The following ANK2 variants were observed in gnomAD, a reference collection of about 807,000 sequenced individuals.
ANK2 encodes the protein ankyrin-2.
A neutral mutation model predicts 360.5 loss-of-function variants in ANK2; 83 were observed. The ratio of observed to expected loss-of-function variants is 0.23; its 90% CI spans 0.19 to 0.28. ANK2 has a LOEUF of 0.28. Ranked by LOEUF, ANK2 falls within the 10% of genes least tolerant of loss-of-function variation. The probability of loss-of-function intolerance (pLI) is 1.00; values close to 1 mark genes in which losing one functional copy is unlikely to be tolerated. For synonymous variants in ANK2, 1,740 were observed against 1,759.5 expected, an observed-to-expected ratio of 0.99 and a Z score of 0.28; for missense variants, 4,201 against 4,795.7, an observed-to-expected ratio of 0.88 and a Z score of 3.66.
chr4:113,286,208 T>C (rs1219261957), intron 18 of ANK2, among the ~76,000 whole-genome samples: 2 of 152,248 alleles, frequency 1.3e-5, no homozygotes, highest in Non-Finnish European at 2.9e-5. Flanking sequence ...GTTATTTTAG[T>C]AAGGAGAAAA....
intron 1 of ANK2, among the ~76,000 whole-genome samples, chr4:113,164,518 G>A (rs2097683451): frequency 6.6e-6 from 1 of 152,170 alleles, no homozygotes; most frequent in Non-Finnish European, 1.5e-5. Flanking sequence ...CACCTCATCT[G>A]TGTTGTGTCA....
At chr4:112,757,338 T>C in the ANK2 span, among the ~76,000 whole-genome samples, 1 of 152,120 alleles carries the variant, frequency 6.6e-6, no homozygotes, top group South Asian at 2.1e-4. Flanking sequence ...CAGGCTGGTC[T>C]CGAACTCCTG....
At chr4:112,738,570 G>C in the ANK2 span, 6 of 432,612 alleles carry the variant, frequency 1.4e-5, no homozygotes, top group Admixed American at 3.0e-5. Flanking sequence ...CCTTAACCTA[G>C]TCTGCAGGTT....
chr4:113,305,499 T>G (rs2153804891), intron 23 of ANK2, among the ~76,000 whole-genome samples: 1 of 152,320 alleles, frequency 6.6e-6, no homozygotes, highest in South Asian at 2.1e-4. Flanking sequence ...ATGACCAAGA[T>G]TATCTTTTGT....
the ANK2 span, among the ~76,000 whole-genome samples, chr4:112,780,823 C>T: frequency 1.3e-5 from 2 of 152,064 alleles, no homozygotes; most frequent in South Asian, 4.1e-4. Context: ...CCCCATGATC[C>T]AATCATCTCC....
At chr4:113,059,261 T>C (rs1360933446) in intron 1 of ANK2, among the ~76,000 whole-genome samples, 1 of 152,166 alleles carries the variant, frequency 6.6e-6, no homozygotes, top group Non-Finnish European at 1.5e-5. Flanking sequence ...TTAGATTGTG[T>C]ATAGCCTGGC....
At chr4:113,345,223 A>G (rs1477124617) in intron 34 of ANK2, among the ~76,000 whole-genome samples, 1 of 152,202 alleles carries the variant, frequency 6.6e-6, no homozygotes, top group Non-Finnish European at 1.5e-5. Flanking sequence ...CCATTTCTAC[A>G]TGTTCCTAGA....
chr4:112,725,009 G>C, the ANK2 span, among the ~76,000 whole-genome samples: 1 of 152,098 alleles, frequency 6.6e-6, no homozygotes, highest in Non-Finnish European at 1.5e-5. Flanking sequence ...GCCGGGTGCC[G>C]TGGCTCACGC....
the ANK2 span, among the ~76,000 whole-genome samples, chr4:112,718,927 GCACCCGGTCGCATGAGCCAC>G: frequency 1.4e-5 from 1 of 69,082 alleles, no homozygotes; most frequent in African/African-American, 7.3e-5. Flanking sequence ...ATGAGCCACC[GCACCCGGTCGCATGAGCCAC>G]CGCTCCCGGT....
At chr4:113,143,021 G>A (rs1052208382) in intron 1 of ANK2, among the ~76,000 whole-genome samples, 3 of 149,460 alleles carry the variant, frequency 2.0e-5, no homozygotes, top group South Asian at 2.1e-4. Flanking sequence ...AAAAAAAGAC[G>A]TTTAGGTCAG....
At chr4:113,160,745 A>G (rs762048875) in intron 1 of ANK2, among the ~76,000 whole-genome samples, 2 of 152,232 alleles carry the variant, frequency 1.3e-5, no homozygotes, top group Non-Finnish European at 2.9e-5. Context: ...AGACACGTAA[A>G]CAGATGAATT....
chr4:113,243,484 T>A (rs1464731511), intron 9 of ANK2, among the ~76,000 whole-genome samples: 1 of 152,210 alleles, frequency 6.6e-6, no homozygotes, highest in Non-Finnish European at 1.5e-5. Flanking sequence ...ATCTCACTTC[T>A]CTAAAACTTT....
intron 42 of ANK2, among the ~76,000 whole-genome samples, chr4:113,368,315 G>T (rs2096609588): frequency 6.6e-6 from 1 of 152,172 alleles, no homozygotes; most frequent in African/African-American, 2.4e-5. Flanking sequence ...TTAGGAGTAT[G>T]GTCAGTGATG....
chr4:112,863,172 T>TTATAGTCAGTGTGAC (rs1192425251), intron 1 of ANK2, among the ~76,000 whole-genome samples: 5 of 152,194 alleles, frequency 3.3e-5, no homozygotes, highest in African/African-American at 1.2e-4. Context: ...TTAATTTAAG[T>TTATAGTCAGTGTGAC]TATAGTCAGT....
chr4:112,929,841 GGT>G, intron 2 of ANK2, among the ~76,000 whole-genome samples: 1 of 152,242 alleles, frequency 6.6e-6, no homozygotes, highest in Non-Finnish European at 1.5e-5. Flanking sequence ...GGACAGGCAT[GGT>G]GACTTGTTCT....
chr4:113,153,992 T>C (rs1297797793), intron 1 of ANK2, among the ~76,000 whole-genome samples: 2 of 152,200 alleles, frequency 1.3e-5, no homozygotes, highest in African/African-American at 2.4e-5. Flanking sequence ...CATAAGAGCA[T>C]AAAAGTAGAA....
intron 17 of ANK2, among the ~76,000 whole-genome samples, chr4:113,280,239 G>A (rs1175519787): frequency 1.3e-5 from 2 of 151,960 alleles, no homozygotes; most frequent in Non-Finnish European, 2.9e-5. Flanking sequence ...TTTCCACAAG[G>A]GACTCTCAAT....
the ANK2 span, chr4:112,739,035 G>C: frequency 1.7e-6 from 1 of 594,902 alleles, no homozygotes; most frequent in Non-Finnish European, 3.2e-6. Flanking sequence ...AGCCATCATG[G>C]AAAGTTCTGT....
chr4:113,150,984 G>T (rs964757506), intron 1 of ANK2: 26 of 993,520 alleles, frequency 2.6e-5, no homozygotes, highest in Admixed American at 2.0e-4. Flanking sequence ...CCAGCTAATA[G>T]GTACTTAGTA....
Sources: allele counts gnomAD v4.1 joint callset (sites outside exome capture counted in the v4.1 genomes callset), GRCh38; gene constraint gnomAD v4.1.1; transcripts MANE v1.5; gene names NCBI Gene and HGNC (gene_info 2026-07-23, HGNC 2026-07-21).